Variants in LIMA1 observed in about 807,000 individuals in gnomAD.
The protein encoded by LIMA1 is LIM domain and actin-binding protein 1.
A neutral mutation model predicts 62.6 loss-of-function variants in LIMA1; 52 were observed. That is an observed-to-expected ratio of 0.83 (90% CI 0.67 to 1.05). LIMA1 has a LOEUF of 1.05. Among genes scored for constraint, LIMA1 ranks in the 50% least tolerant of loss-of-function variants. LIMA1 has a pLI of 0.00. For synonymous variants in LIMA1, 302 were observed against 317.8 expected (o/e 0.95, Z 0.53); for missense variants, 780 against 902.2 (o/e 0.86, Z 1.74).
intron 1 of LIMA1, among the ~76,000 whole-genome samples, chr12:50,265,652 G>T (rs1447009509): frequency 6.6e-6 from 1 of 151,790 alleles, no homozygotes; most frequent in African/African-American, 2.4e-5. Flanking sequence ...TAAAATGTTT[G>T]TTTTGAGCAC....
At chr12:50,231,541 C>T (rs944922872) in intron 3 of LIMA1, 124 bp downstream of exon 3, 2 of 874,146 alleles carry the variant, frequency 2.3e-6, no homozygotes, top group Non-Finnish European at 3.9e-6. Flanking sequence ...TCAGAGATCA[C>T]ACCAGCTGGC....
chr12:50,280,741 A>G (rs935413791), intron 1 of LIMA1, among the ~76,000 whole-genome samples: 3 of 152,140 alleles, frequency 2.0e-5, no homozygotes, highest in African/African-American at 7.2e-5. Flanking sequence ...ATCATCCACC[A>G]TAGACTCTCA....
intron 8 of LIMA1, 65 bp downstream of exon 8, chr12:50,195,765 C>A: frequency 3.3e-6 from 5 of 1,508,178 alleles, no homozygotes; most frequent in Non-Finnish European, 4.5e-6. Context: ...AATGGGAACA[C>A]CCCTGAACCA....
chr12:50,191,075 C>A (rs1279534023), intron 9 of LIMA1, among the ~76,000 whole-genome samples: 2 of 144,634 alleles, frequency 1.4e-5, no homozygotes, highest in Non-Finnish European at 3.0e-5. Flanking sequence ...CACCACTGCA[C>A]TCCAGCCTGG....
At chr12:50,194,136 C>G (rs544915160) in intron 8 of LIMA1, among the ~76,000 whole-genome samples, 1 of 150,190 alleles carries the variant, frequency 6.7e-6, no homozygotes, top group African/African-American at 2.5e-5. Flanking sequence ...TACAGGCACC[C>G]ACCACCACAT....
intron 1 of LIMA1, among the ~76,000 whole-genome samples, chr12:50,258,310 GT>G (rs1482518780): frequency 6.6e-6 from 1 of 152,134 alleles, no homozygotes; most frequent in Admixed American, 6.5e-5. Context: ...TTGTGTGTGT[GT>G]GTGTGTGTGT....
At chr12:50,220,444 A>G (rs1002639698) in intron 4 of LIMA1, 1 of 152,172 alleles carries the variant, frequency 6.6e-6, no homozygotes, top group African/African-American at 2.4e-5. Flanking sequence ...CTCACTAGAT[A>G]TTTATGAGAA....
chr12:50,258,497 G>A (rs7309519), intron 1 of LIMA1, among the ~76,000 whole-genome samples: 99,401 of 151,752 alleles, frequency 0.66, 34,551 homozygotes, highest in East Asian at 0.9. Flanking sequence ...GAGTCTCCCC[G>A]TATTGTCCAG....
chr12:50,279,552 C>T (rs1942313982), intron 1 of LIMA1, among the ~76,000 whole-genome samples: 1 of 152,014 alleles, frequency 6.6e-6, no homozygotes, highest in African/African-American at 2.4e-5. Context: ...CTGAGCAGGG[C>T]TATGGTGAAC....
intron 2 of LIMA1, among the ~76,000 whole-genome samples, chr12:50,234,977 C>T (rs1015525811): frequency 1.3e-5 from 2 of 152,114 alleles, no homozygotes; most frequent in Non-Finnish European, 2.9e-5. Context: ...TGCCACTGTA[C>T]TCTAGCCTGA....
intron 6 of LIMA1, chr12:50,201,272 G>A: frequency 2.0e-6 from 2 of 1,009,178 alleles, no homozygotes; most frequent in Non-Finnish European, 2.4e-6. Flanking sequence ...GAAAGGAGAT[G>A]CCAAGTGCCA....
rs763743385 is a variant in LIMA1, at chr12:50,222,505, A to G, written c.166-20T>C. ...GGTGTTCTAGAAGAACAAGAAGTAG[A>G]TGCCAGTTATAACTTGCCTGCTGAA... On this transcript the variant is annotated intron_variant, in intron 3 of 10. Transcript: ENST00000341247. 4 of 1,613,886 alleles carry G rather than the reference A, an allele frequency of 2.5e-6. No homozygotes were observed. The highest frequency in any genetic ancestry group is 3.4e-6 in the Non-Finnish European group (4 of 1,179,986).
chr12:50,279,358 TATAA>T (rs971226804), intron 1 of LIMA1, among the ~76,000 whole-genome samples: 85 of 149,938 alleles, frequency 5.7e-4, no homozygotes, highest in African/African-American at 1.8e-3. Flanking sequence ...TTTATAATAA[TATAA>T]ATATCTATAA....
chr12:50,225,877 T>C (rs934751696), intron 3 of LIMA1, among the ~76,000 whole-genome samples: 2 of 152,166 alleles, frequency 1.3e-5, no homozygotes, highest in Non-Finnish European at 2.9e-5. Flanking sequence ...TATTATACTG[T>C]ATGTGCAATT....
intron 4 of LIMA1, among the ~76,000 whole-genome samples, chr12:50,207,817 G>A (rs967187056): frequency 6.6e-6 from 1 of 151,642 alleles, no homozygotes; most frequent in Non-Finnish European, 1.5e-5. Context: ...TTGAACCAGG[G>A]GGGCAGAGGT....
At chr12:50,210,432 A>AAAAAG (rs1456901087) in intron 4 of LIMA1, among the ~76,000 whole-genome samples, 4 of 151,404 alleles carry the variant, frequency 2.6e-5, no homozygotes, top group African/African-American at 4.9e-5. Flanking sequence ...AAAAAAAAAA[A>AAAAAG]AAAGAAAAAA....
intron 1 of LIMA1, among the ~76,000 whole-genome samples, chr12:50,252,283 A>AG (rs1214608497): frequency 1.3e-5 from 2 of 152,144 alleles, no homozygotes; most frequent in Admixed American, 1.3e-4. Context: ...GAGAAGTTGA[A>AG]GATAGACAAG....
At chr12:50,271,993 C>T (rs2138699560) in intron 1 of LIMA1, among the ~76,000 whole-genome samples, 1 of 152,222 alleles carries the variant, frequency 6.6e-6, no homozygotes, top group African/African-American at 2.4e-5. Context: ...AACACATACG[C>T]TTATTTTAGG....
intron 4 of LIMA1, among the ~76,000 whole-genome samples, chr12:50,206,578 A>G (rs1941158181): frequency 6.6e-6 from 1 of 152,146 alleles, no homozygotes; most frequent in Admixed American, 6.6e-5. Context: ...ATATAAATCT[A>G]TTTTACCCTC....
Sources: allele counts gnomAD v4.1 joint callset (sites outside exome capture counted in the v4.1 genomes callset), GRCh38; gene constraint gnomAD v4.1.1; transcripts MANE v1.5; gene names NCBI Gene and HGNC (gene_info 2026-07-23, HGNC 2026-07-21).